Variants in RELL1 observed in about 807,000 individuals in gnomAD.
The protein encoded by RELL1 is RELT like 1, also known as RELT-like protein 1.
Under a neutral mutation model 23.0 loss-of-function variants are expected in RELL1, and 10 were observed. The ratio of observed to expected loss-of-function variants is 0.43; its 90% CI spans 0.27 to 0.74. RELL1 has a LOEUF of 0.74. RELL1 is among the 30% of genes least tolerant of loss of function. The probability of loss-of-function intolerance (pLI) is 0.19; values close to 1 mark genes in which losing one functional copy is unlikely to be tolerated. For synonymous variants in RELL1, 146 were observed against 146.8 expected (o/e 0.99, Z 0.04); for missense variants, 315 against 364.4 (o/e 0.86, Z 1.10).
At chr4:37,656,362 T>G (rs1310091822) in intron 1 of RELL1, among the ~76,000 whole-genome samples, 3 of 152,086 alleles carry the variant, frequency 2.0e-5, no homozygotes, top group Admixed American at 1.3e-4. Flanking sequence ...GGCAGGGGAA[T>G]AGGGATAGTT....
intron 6 of RELL1, among the ~76,000 whole-genome samples, chr4:37,592,419 G>T (rs1159293205): frequency 4.0e-5 from 6 of 150,476 alleles, no homozygotes; most frequent in African/African-American, 1.5e-4. Context: ...GAGCTGGTTT[G>T]CAGAGCCATA....
intron 5 of RELL1, 114 bp downstream of exon 5, chr4:37,634,773 A>G: frequency 1.1e-6 from 1 of 924,214 alleles, no homozygotes; most frequent in African/African-American, 1.6e-5. Flanking sequence ...AAGCCCAGAG[A>G]TATAACCTGA....
intron 6 of RELL1, among the ~76,000 whole-genome samples, chr4:37,601,050 C>A (rs1328765294): frequency 6.6e-6 from 1 of 152,154 alleles, no homozygotes; most frequent in Non-Finnish European, 1.5e-5. Context: ...GAGGAAGAGA[C>A]CATGCTCCTT....
chr4:37,663,871 C>T (rs1290168440), intron 1 of RELL1, among the ~76,000 whole-genome samples: 2 of 152,100 alleles, frequency 1.3e-5, no homozygotes, highest in Non-Finnish European at 2.9e-5. Context: ...CATTCACCCA[C>T]CCAAGGCCCT....
At chr4:37,668,513 C>T (rs1184210450) in intron 1 of RELL1, among the ~76,000 whole-genome samples, 3 of 151,934 alleles carry the variant, frequency 2.0e-5, no homozygotes, top group African/African-American at 7.2e-5. Flanking sequence ...CTCCTTCACT[C>T]AGTGCTCAAT....
intron 6 of RELL1, among the ~76,000 whole-genome samples, chr4:37,619,244 G>A (rs370096100): frequency 1.3e-4 from 20 of 149,854 alleles, no homozygotes; most frequent in East Asian, 8.0e-4. Context: ...GTGCAGTGGC[G>A]CAATCTCGGC....
Position 37,598,080 on chromosome 4 carries a change from TATA to T in RELL1, c.*4-6866_*4-6864del, listed in dbSNP as rs1485161978. On this transcript the variant is annotated intron_variant, in intron 6 of 6. Transcript: ENST00000314117. ...GATATGTAATATATATATATCATAA[TATA>T]TATATATATATAACTCCTCCTATAG... Among the ~76,000 whole-genome samples the T allele has an allele frequency of 2.8e-4, 38 of 136,248 alleles. 1 individual carries two copies. The South Asian group carries it at 6.9e-3, about 25-fold the overall frequency. 89.4% of individuals were successfully genotyped at this position (136,248 alleles called of 152,430 possible). A position where few individuals can be genotyped will look rare whatever the true frequency, so the allele number is the denominator to read the frequency against.
At chr4:37,600,269 CAAAAAAA>C (rs33929317) in intron 6 of RELL1, among the ~76,000 whole-genome samples, 1 of 111,412 alleles carries the variant, frequency 9.0e-6, no homozygotes, top group Non-Finnish European at 1.8e-5. Context: ...GACTCCATCT[CAAAAAAA>C]AAAAAAAAAA....
chr4:37,622,055 T>C (rs545473420), intron 6 of RELL1, among the ~76,000 whole-genome samples: 1 of 152,348 alleles, frequency 6.6e-6, no homozygotes, highest in South Asian at 2.1e-4. Context: ...ATAGGGCATA[T>C]AGCTTTTTAA....
intron 1 of RELL1, among the ~76,000 whole-genome samples, chr4:37,681,518 GTTTTTTTTTTTT>G (rs55800176): frequency 3.5e-5 from 2 of 56,870 alleles, no homozygotes; most frequent in South Asian, 5.8e-4. Flanking sequence ...GTCTCCTTCT[GTTTTTTTTTTTT>G]TTTTTTTTTT....
intron 1 of RELL1, among the ~76,000 whole-genome samples, chr4:37,651,089 A>T (rs1404143418): frequency 3.3e-5 from 5 of 152,168 alleles, no homozygotes; most frequent in South Asian, 2.1e-4. Flanking sequence ...AAATTAAATT[A>T]AAAAGTATTA....
intron 5 of RELL1, 95 bp downstream of exon 5, chr4:37,634,792 C>A (rs1720261350): frequency 9.4e-7 from 1 of 1,066,416 alleles, no homozygotes; most frequent in Non-Finnish European, 1.5e-6. Context: ...GAGACAGGCA[C>A]AGAGAACATA....
chr4:37,661,267 CTGTTTGTTTGTTTGTT>C (rs112180792), intron 1 of RELL1, among the ~76,000 whole-genome samples: 1 of 150,596 alleles, frequency 6.6e-6, no homozygotes, highest in South Asian at 2.1e-4. Flanking sequence ...TAAGTTAATT[CTGTTTGTTTGTTTGTT>C]TGTTTGTTTG....
At chr4:37,671,889 A>G (rs1331508142) in intron 1 of RELL1, among the ~76,000 whole-genome samples, 1 of 151,976 alleles carries the variant, frequency 6.6e-6, no homozygotes, top group East Asian at 1.9e-4. Context: ...ACAATGACTC[A>G]CAGAATTCAG....
chr4:37,662,053 T>C (rs1434075189), intron 1 of RELL1, among the ~76,000 whole-genome samples: 2 of 152,144 alleles, frequency 1.3e-5, no homozygotes, highest in African/African-American at 2.4e-5. Context: ...ATTACTTTTA[T>C]TTTGTTAAAA....
chr4:37,661,055 A>C (rs1369867280), intron 1 of RELL1, among the ~76,000 whole-genome samples: 4 of 151,766 alleles, frequency 2.6e-5, no homozygotes, highest in Non-Finnish European at 5.9e-5. Flanking sequence ...AAAAACAAAA[A>C]ACCACAAACA....
At chr4:37,660,039 G>C (rs879638159) in intron 1 of RELL1, among the ~76,000 whole-genome samples, 1 of 151,992 alleles carries the variant, frequency 6.6e-6, no homozygotes. Context: ...ATCAAGGTTA[G>C]CTGGAAAATA....
chr4:37,624,123 A>G (rs1323071968), intron 6 of RELL1, among the ~76,000 whole-genome samples: 1 of 152,178 alleles, frequency 6.6e-6, no homozygotes, highest in African/African-American at 2.4e-5. Flanking sequence ...CCTCACTGTT[A>G]GAGGAGAACA....
intron 1 of RELL1, among the ~76,000 whole-genome samples, chr4:37,669,271 G>A (rs1287161134): frequency 1.4e-5 from 2 of 147,002 alleles, no homozygotes; most frequent in African/African-American, 2.6e-5. Flanking sequence ...CGCCCCATCC[G>A]GGAGGTGAGG....
Sources: allele counts gnomAD v4.1 joint callset (sites outside exome capture counted in the v4.1 genomes callset), GRCh38; gene constraint gnomAD v4.1.1; transcripts MANE v1.5; gene names NCBI Gene and HGNC (gene_info 2026-07-23, HGNC 2026-07-21).